KMT2E: variants seen among roughly 807,000 people sequenced by gnomAD.
KMT2E encodes the protein lysine methyltransferase 2E (inactive), also known as histone reader KMT2E.
Under a neutral mutation model 184.6 loss-of-function variants are expected in KMT2E, and 30 were observed. The ratio of observed to expected loss-of-function variants is 0.16; its 90% CI spans 0.12 to 0.22. KMT2E has a LOEUF of 0.22. KMT2E is among the 10% of genes least tolerant of loss of function. The pLI, the probability that KMT2E is intolerant of heterozygous loss-of-function variation, is 1.00. For missense variants in KMT2E, 2,023 were observed against 2,237.4 expected, an observed-to-expected ratio of 0.90 and a Z score of 1.93; for synonymous variants, 815 against 776.5, an observed-to-expected ratio of 1.05 and a Z score of -0.82.
Position 105,112,410 on chromosome 7 carries a change from C to T in KMT2E, c.4654C>T (p.Pro1552Ser). ...ACCACCCCCTCCACCTCCTCCACCT[C>T]CTTCTTCGTCTTACTATCAAAACCA... ...TAPPPPPPPP[P>S]SSSYYQNQQP... is the part of the protein sequence containing the mutation. The change falls in exon 27 of 27, where the codon CCT becomes TCT. Residue 1552 changes from proline (P) to serine (S), a missense_variant. This residue lies in a region of KMT2E where 1,108 missense variants were observed against 1,050.9 expected (regional missense o/e 1.05). Transcript: ENST00000311117. 1 of 1,613,242 alleles carries T rather than the reference C, an allele frequency of 6.2e-7. No individual in the cohort carries two copies. Among genetic ancestry groups the T allele is most frequent in the East Asian group, 2.2e-5 (1 of 44,834 alleles).
intron 15 of KMT2E, among the ~76,000 whole-genome samples, chr7:105,096,247 CAA>C (rs11330758): frequency 0.022 from 1,538 of 69,302 alleles, 19 homozygotes; most frequent in East Asian, 0.1. Context: ...GTGAAAGGCT[CAA>C]AAAAAAAAAA....
chr7:105,091,890 G>T (rs1387992368), intron 15 of KMT2E, among the ~76,000 whole-genome samples: 1 of 152,116 alleles, frequency 6.6e-6, no homozygotes, highest in East Asian at 1.9e-4. Context: ...TGGTAATTTA[G>T]CATTTGATCT....
At chr7:105,071,596 ATATATATATATATTTTTTTT>A (rs1175041372) in intron 6 of KMT2E, among the ~76,000 whole-genome samples, 14 of 59,932 alleles carry the variant, frequency 2.3e-4, no homozygotes, top group African/African-American at 9.0e-4. Context: ...ATATATATAT[ATATATATATATATTTTTTTT>A]TTTTTTTTTT....
chr7:105,060,321 T>G (rs1051698481), intron 3 of KMT2E, among the ~76,000 whole-genome samples: 1 of 152,118 alleles, frequency 6.6e-6, no homozygotes, highest in Non-Finnish European at 1.5e-5. Context: ...AACGTTTCAG[T>G]CAACACCAGA....
rs549476875 is a variant in KMT2E, at chr7:105,075,241, A to G, written c.729+426A>G. Among the ~76,000 whole-genome samples, 39 of 151,538 alleles carry G rather than the reference A, an allele frequency of 2.6e-4. No individual in the cohort carries two copies. In the East Asian group the frequency reaches 7.3e-3, roughly 29 times the overall value. ...TCTTGTAACGTATTGTCTACACACA[A>G]ATTTATTTATTTGGATCTATATTGC... On this transcript the variant is annotated intron_variant, in intron 8 of 26. Coordinates refer to ENST00000311117, the MANE Select transcript of KMT2E (RefSeq NM_182931.3).
intron 1 of KMT2E, among the ~76,000 whole-genome samples, chr7:105,036,976 A>G (rs1795686576): frequency 6.6e-6 from 1 of 152,138 alleles, no homozygotes. Flanking sequence ...ATTGACTAGT[A>G]TTCTTTTCAT....
intron 1 of KMT2E, among the ~76,000 whole-genome samples, chr7:105,020,252 A>G (rs568697204): frequency 2.6e-5 from 4 of 152,292 alleles, no homozygotes; most frequent in South Asian, 2.1e-4. Flanking sequence ...TGTCTAGCAT[A>G]CGATAGTGGA....
At chr7:105,060,691 C>T (rs755497033) in intron 3 of KMT2E, among the ~76,000 whole-genome samples, 11 of 152,152 alleles carry the variant, frequency 7.2e-5, no homozygotes, top group Non-Finnish European at 1.2e-4. Context: ...CTGTCTCAGA[C>T]TCCCAAAGTG....
At chr7:105,025,538 A>G (rs577546274) in intron 1 of KMT2E, among the ~76,000 whole-genome samples, 1 of 152,296 alleles carries the variant, frequency 6.6e-6, no homozygotes, top group Admixed American at 6.5e-5. Flanking sequence ...TCATTTAACC[A>G]ATGTGCAGGA....
intron 3 of KMT2E, among the ~76,000 whole-genome samples, chr7:105,051,374 G>A (rs1584730330): frequency 3.3e-5 from 5 of 151,524 alleles, no homozygotes; most frequent in Admixed American, 1.3e-4. Flanking sequence ...TACTAGAGGC[G>A]GGGTTTCTCC....
rs891793368 is a variant in KMT2E at position 105,112,579 on chromosome 7, A to C, written c.4823A>C (p.His1608Pro). 1 of 1,613,708 alleles carries C rather than the reference A, an allele frequency of 6.2e-7. No individual in the cohort carries two copies. Among genetic ancestry groups the C allele is most frequent in the African/African-American group, 1.3e-5 (1 of 74,762 alleles). Reference sequence around the variant, plus strand: ...CCAGGACACCACGTGACTCCAGGGCATTTTTTGCCCTCTCAGAACCCTACC... The same window carrying C: ...CCAGGACACCACGTGACTCCAGGGCCTTTTTTGCCCTCTCAGAACCCTACC... ...TVPGHHVTPG[H>P]FLPSQNPTIH... is the part of the protein sequence containing the mutation. The change falls in exon 27 of 27, where the codon CAT becomes CCT. Residue 1608 changes from histidine (H) to proline (P), a missense_variant. By Grantham distance (77) the His-to-Pro change is moderately conservative. Coordinates refer to ENST00000311117, the MANE Select transcript of KMT2E (RefSeq NM_182931.3).
Position 105,028,329 on chromosome 7 carries a change from C to T in KMT2E, c.-188-9797C>T, listed in dbSNP as rs879725533. On this transcript the variant is annotated intron_variant, in intron 1 of 26. Transcript: ENST00000311117. ...GACCACAGGCATGGGCCACCATGCC[C>T]GACTAATCTTTGAATTTCTTTGGAG... Among the ~76,000 whole-genome samples the T allele has an allele frequency of 3.3e-5, 5 of 151,988 alleles. No homozygotes were observed. The South Asian group carries it at 6.2e-4, about 19-fold the overall frequency.
At chr7:105,084,119 C>G (rs999442742) in intron 13 of KMT2E, among the ~76,000 whole-genome samples, 14 of 152,244 alleles carry the variant, frequency 9.2e-5, no homozygotes, top group African/African-American at 3.1e-4. Flanking sequence ...GGTGATGGCT[C>G]CACAAATTTC....
chr7:105,065,576 A>G (rs1796994386), intron 5 of KMT2E, among the ~76,000 whole-genome samples: 1 of 152,188 alleles, frequency 6.6e-6, no homozygotes, highest in South Asian at 2.1e-4. Context: ...TTTCCTATAC[A>G]TAAATACCTA....
In KMT2E at chr7:105,090,410, G is replaced by T. The variant is rs1056917785; in HGVS notation, c.1623+137G>T. The T allele has an allele frequency of 1.3e-4, 125 of 993,788 alleles. No homozygotes were observed. In the Admixed American group the frequency reaches 1.7e-3, roughly 14 times the overall value. The allele number at this position is 993,788 out of a possible 1,614,324, so 61.6% of individuals were successfully genotyped here. On this transcript the variant is annotated intron_variant, in intron 14 of 26. Transcript: ENST00000311117. ...CTGTCATTTAATGAAGTATTCATAA[G>T]TGTAAAATACAAGTTCTGCTAGAAT...
chr7:105,083,306 C>A (rs1797832306), intron 13 of KMT2E, among the ~76,000 whole-genome samples: 1 of 152,068 alleles, frequency 6.6e-6, no homozygotes, highest in African/African-American at 2.4e-5. Flanking sequence ...GTGTAATGAG[C>A]CTTAAAGGCC....
intron 13 of KMT2E, chr7:105,089,245 C>A (rs760670724): frequency 2.4e-6 from 1 of 412,328 alleles, no homozygotes; most frequent in African/African-American, 2.2e-5. Context: ...GTCACCCAGG[C>A]TGGAATGCAG....
intron 1 of KMT2E, among the ~76,000 whole-genome samples, chr7:105,033,804 G>C (rs189664497): frequency 1.2e-4 from 19 of 152,018 alleles, no homozygotes; most frequent in Non-Finnish European, 2.1e-4. Context: ...CGGCCCAAAG[G>C]GTTTTTAGTT....
At chr7:105,079,865 A>AG (rs1797688604) in intron 12 of KMT2E, among the ~76,000 whole-genome samples, 1 of 150,876 alleles carries the variant, frequency 6.6e-6, no homozygotes, top group Non-Finnish European at 1.5e-5. Context: ...TTTTTGAGGC[A>AG]GGGTCTTGCC....
Sources: allele counts gnomAD v4.1 joint callset (sites outside exome capture counted in the v4.1 genomes callset), GRCh38; gene constraint gnomAD v4.1.1; regional missense constraint gnomAD v4.1.1; transcripts MANE v1.5; gene names NCBI Gene and HGNC (gene_info 2026-07-23, HGNC 2026-07-21).